Variants in EYS observed in about 807,000 individuals in gnomAD.
EYS encodes the protein protein eyes shut homolog.
A neutral mutation model predicts 282.1 loss-of-function variants in EYS; 250 were observed. The observed-to-expected ratio is 0.89, with a 90% CI of 0.80 to 0.98. The LOEUF is 0.98. Among genes scored for constraint, EYS ranks in the 50% least tolerant of loss-of-function variants. EYS has a pLI of 0.00. For synonymous variants in EYS, 1,355 were observed against 1,282.9 expected, an observed-to-expected ratio of 1.06 and a Z score of -1.20; for missense variants, 4,016 against 3,709.0, an observed-to-expected ratio of 1.08 and a Z score of -2.15.
At chr6:64,654,405 C>T (rs1768674141) in intron 22 of EYS, among the ~76,000 whole-genome samples, 1 of 152,092 alleles carries the variant, frequency 6.6e-6, no homozygotes, top group African/African-American at 2.4e-5. Flanking sequence ...AGACAGGCAT[C>T]AAACAAGCAA....
At position 64,033,210 on chromosome 6, in the gene EYS, CTTG is replaced by C. The variant is rs1029154007; in HGVS notation, c.6725+33125_6725+33127del. Among the ~76,000 whole-genome samples, 3 of 152,232 alleles carry C rather than the reference CTTG, an allele frequency of 2.0e-5. No homozygotes were observed. In the East Asian group the frequency reaches 5.8e-4, roughly 29 times the overall value. ...GCTCATTTTTCATTACATTATTTGT[CTTG>C]TTGTTGTTTCTACTTCTCATACAGT... On this transcript the variant is annotated intron_variant, in intron 33 of 42. Transcript: ENST00000503581.
chr6:65,145,734 G>A (rs1489966678), intron 12 of EYS, among the ~76,000 whole-genome samples: 1 of 151,886 alleles, frequency 6.6e-6, no homozygotes, highest in East Asian at 1.9e-4. Context: ...ATTCATCATT[G>A]CTTCCTCGTT....
chr6:64,260,754 C>G (rs1022760886), intron 30 of EYS, among the ~76,000 whole-genome samples: 3 of 151,762 alleles, frequency 2.0e-5, no homozygotes, highest in African/African-American at 7.3e-5. Flanking sequence ...TCCATAACAT[C>G]CTTTATTTCA....
chr6:65,364,260 AT>A lies in EYS; in HGVS notation c.1300-10644del, dbSNP rs900686370. On this transcript the variant is annotated intron_variant, in intron 8 of 42. Coordinates refer to ENST00000503581, the MANE Select transcript of EYS (RefSeq NM_001142800.2). The stretch of plus-strand genomic sequence containing the variant: ...AATCAACTAAATGTTTTTTTTTTCA[AT>A]TTTTTTTCAATTTATGGTAGAACAT... 6.4e-4 allele frequency among the ~76,000 whole-genome samples: 93 copies of A among 145,882 alleles called. 1 individual carries two copies. The highest frequency in any genetic ancestry group is 2.3e-3 in the African/African-American group (93 of 40,368).
chr6:65,688,127 C>T (rs1169881616), intron 1 of EYS, among the ~76,000 whole-genome samples: 1 of 152,122 alleles, frequency 6.6e-6, no homozygotes, highest in East Asian at 1.9e-4. Flanking sequence ...ATTGCCAAAT[C>T]AATCCTAAGC....
intron 24 of EYS, among the ~76,000 whole-genome samples, chr6:64,598,407 G>A (rs1766656190): frequency 1.3e-5 from 2 of 152,244 alleles, no homozygotes; most frequent in African/African-American, 4.8e-5. Flanking sequence ...CTTGCAGTGA[G>A]CCAAGATTGC....
intron 19 of EYS, among the ~76,000 whole-genome samples, chr6:64,839,405 T>C (rs78018331): frequency 0.017 from 2,607 of 152,162 alleles, 74 homozygotes; most frequent in African/African-American, 0.059. Context: ...GTGACTCTAA[T>C]ACATTTTACT....
chr6:65,387,478 T>G (rs1189556192), intron 7 of EYS, among the ~76,000 whole-genome samples: 1 of 151,782 alleles, frequency 6.6e-6, no homozygotes, highest in Non-Finnish European at 1.5e-5. Flanking sequence ...GCCCATAAAT[T>G]TAATATAATT....
intron 31 of EYS, among the ~76,000 whole-genome samples, chr6:64,167,893 A>G (rs1392577363): frequency 3.3e-5 from 5 of 152,198 alleles, no homozygotes; most frequent in African/African-American, 1.2e-4. Flanking sequence ...AAGATATTTA[A>G]CATCATTTGT....
At chr6:63,905,724 C>T (rs769910348) in intron 35 of EYS, among the ~76,000 whole-genome samples, 4 of 152,136 alleles carry the variant, frequency 2.6e-5, no homozygotes, top group Non-Finnish European at 5.9e-5. Context: ...ATTCTCTAAC[C>T]CAGTGGACTA....
intron 26 of EYS, among the ~76,000 whole-genome samples, chr6:64,480,337 C>T (rs544438948): frequency 6.6e-6 from 1 of 151,940 alleles, no homozygotes; most frequent in African/African-American, 2.4e-5. Context: ...ATTAGTCATA[C>T]CAATGGATAG....
At chr6:63,939,353 T>C (rs915220322) in intron 35 of EYS, among the ~76,000 whole-genome samples, 2 of 152,164 alleles carry the variant, frequency 1.3e-5, no homozygotes, top group African/African-American at 4.8e-5. Flanking sequence ...ATTTCTTTAG[T>C]GTTTTAGATA....
rs1316409036 is a variant in EYS, at chr6:65,404,850, T to A, written c.1056+324A>T. On this transcript the variant is annotated intron_variant, in intron 6 of 42. Coordinates refer to ENST00000503581, the MANE Select transcript of EYS (RefSeq NM_001142800.2). ...TAATTTGTGAGAAGAGCTAATGAAA[T>A]ATTTCCTACTCTTATTTATTTAAAT... 2.0e-5 allele frequency among the ~76,000 whole-genome samples: 3 copies of A among 151,908 alleles called. No individual in the cohort carries two copies. In the South Asian group the frequency reaches 6.2e-4, roughly 31 times the overall value.
intron 22 of EYS, among the ~76,000 whole-genome samples, chr6:64,640,347 A>G (rs984986285): frequency 8.5e-5 from 13 of 152,208 alleles, no homozygotes; most frequent in African/African-American, 2.6e-4. Flanking sequence ...AGACTGGATT[A>G]AGAAAATGTG....
intron 26 of EYS, among the ~76,000 whole-genome samples, chr6:64,523,422 G>C (rs1326806122): frequency 6.6e-6 from 1 of 151,602 alleles, no homozygotes; most frequent in African/African-American, 2.4e-5. Context: ...TGTGACTGTA[G>C]GATTTTAATT....
chr6:65,611,492 G>A (rs1349908342), intron 2 of EYS, among the ~76,000 whole-genome samples: 2 of 151,806 alleles, frequency 1.3e-5, no homozygotes, highest in Non-Finnish European at 2.9e-5. Flanking sequence ...TCTTTTTATA[G>A]ATAAATTCCT....
At chr6:63,777,094 T>A (rs1179485920) in intron 40 of EYS, among the ~76,000 whole-genome samples, 1 of 152,210 alleles carries the variant, frequency 6.6e-6, no homozygotes, top group East Asian at 1.9e-4. Context: ...TCCTCAGGAA[T>A]TCCATGGGTT....
At chr6:65,540,214 C>T (rs1350719465) in intron 2 of EYS, among the ~76,000 whole-genome samples, 2 of 152,122 alleles carry the variant, frequency 1.3e-5, no homozygotes, top group African/African-American at 4.8e-5. Context: ...TCCAATGATA[C>T]CAAGCACATT....
At chr6:64,286,473 T>C (rs1768505385) in intron 30 of EYS, among the ~76,000 whole-genome samples, 1 of 152,178 alleles carries the variant, frequency 6.6e-6, no homozygotes, top group Admixed American at 6.5e-5. Flanking sequence ...GGTAAACCAA[T>C]AGAGATATTT....
Sources: gnomAD v4.1 joint callset for allele counts (sites outside exome capture counted in the v4.1 genomes callset) on GRCh38, gnomAD v4.1.1 for gene constraint, MANE v1.5 for transcripts, NCBI Gene and HGNC (gene_info 2026-07-23, HGNC 2026-07-21) for gene names.